Variants in CDH22 observed in about 807,000 individuals in gnomAD.
CDH22 encodes the protein cadherin-22.
In CDH22, 30 loss-of-function variants were observed where a neutral mutation model predicts 58.4. That is an observed-to-expected ratio of 0.51 (90% CI 0.38 to 0.70). The LOEUF (loss-of-function observed/expected upper bound fraction) is 0.70. Ranked by LOEUF, CDH22 falls within the 30% of genes least tolerant of loss-of-function variation. CDH22 has a pLI of 0.00. For synonymous variants in CDH22, 513 were observed against 558.2 expected, an observed-to-expected ratio of 0.92 and a Z score of 1.14; for missense variants, 1,014 against 1,233.9, an observed-to-expected ratio of 0.82 and a Z score of 2.67.
rs1235953678 is a variant in CDH22 at position 46,174,791 on chromosome 20, C to G, written c.2202G>C (p.Pro734=). Residue 734 remains proline, a synonymous_variant, in exon 12 of 12, where the codon CCG becomes CCC. Coordinates refer to ENST00000537909, the MANE Select transcript of CDH22 (RefSeq NM_021248.3). The surrounding 1 kb of genome is among the most constrained non-coding windows in gnomAD (Gnocchi z 4.4). ...CTGGCTCGGGGCTCGGCGGCCCCTG[C>G]GGCAGCGAGTGGCGCTCGGAGGGCA... ...AHLPSERHSL[P]QGPPSPEPDF... 13 of 1,498,316 alleles carry G rather than the reference C, an allele frequency of 8.7e-6. No individual in the cohort carries two copies. Among genetic ancestry groups the G allele is most frequent in the African/African-American group, 4.3e-5 (3 of 69,354 alleles). The allele number at this position is 1,498,316 out of a possible 1,614,324, so 92.8% of individuals were successfully genotyped here.
At position 46,210,295 on chromosome 20, in the gene CDH22, C is replaced by T; in HGVS notation, c.1286+12G>A. ...GCAGGCAGCAGGCGTCGGCCCCGGGCGGGGGTCTCACCGGACGGGCCGGTT... is the reference window on the plus strand; with the variant it reads ...GCAGGCAGCAGGCGTCGGCCCCGGGTGGGGGTCTCACCGGACGGGCCGGTT... On this transcript the variant is annotated intron_variant, in intron 7 of 11. Transcript: ENST00000537909. The surrounding 1 kb of genome is among the most constrained non-coding windows in gnomAD (Gnocchi z 4.5). 7.1e-7 allele frequency: 1 copy of T among 1,401,114 alleles called. No individual in the cohort carries two copies. Among genetic ancestry groups the T allele is most frequent in the Middle Eastern group, 2.6e-4 (1 of 3,894 alleles). 86.8% of individuals were successfully genotyped at this position (1,401,114 alleles called of 1,614,324 possible).
chr20:46,223,705 C>CTTTG (rs1440360973), intron 4 of CDH22, among the ~76,000 whole-genome samples: 1 of 56,964 alleles, frequency 1.8e-5, no homozygotes, highest in African/African-American at 5.8e-5. Flanking sequence ...TTCTTTCTTT[C>CTTTG]TTTCTTTCTT....
At position 46,294,271 on chromosome 20, in the gene CDH22, T is replaced by C. The variant is rs961126591; in HGVS notation, c.-400+13984A>G. ...CCCCTTCCCTTCCTTGAGTCTCTGG[T>C]TGCAAACGAAGTGGGTTCTGTTCTC... On this transcript the variant is annotated intron_variant, in intron 1 of 11. Transcript: ENST00000537909. Among the ~76,000 whole-genome samples the C allele has an allele frequency of 2.0e-5, 3 of 152,132 alleles. No individual in the cohort carries two copies. The East Asian group carries it at 5.8e-4, about 29-fold the overall frequency.
chr20:46,266,126 T>C (rs1434594969), intron 1 of CDH22, among the ~76,000 whole-genome samples: 2 of 152,168 alleles, frequency 1.3e-5, no homozygotes, highest in Non-Finnish European at 2.9e-5. Flanking sequence ...TTTATCTGTT[T>C]TAGAGGATTC....
chr20:46,192,711 G>C (rs1182049287), intron 8 of CDH22, among the ~76,000 whole-genome samples: 1 of 152,054 alleles, frequency 6.6e-6, no homozygotes, highest in Non-Finnish European at 1.5e-5. Flanking sequence ...CCTCCTCCCC[G>C]AGGGAGTTAA....
chr20:46,294,816 C>T (rs981538810), intron 1 of CDH22, among the ~76,000 whole-genome samples: 4 of 152,230 alleles, frequency 2.6e-5, no homozygotes, highest in Non-Finnish European at 5.9e-5. Flanking sequence ...AAGTGGGATT[C>T]CTGGCATTGG....
At chr20:46,305,316 G>A (rs765573719) in intron 1 of CDH22, among the ~76,000 whole-genome samples, 1 of 152,240 alleles carries the variant, frequency 6.6e-6, no homozygotes, top group Non-Finnish European at 1.5e-5. Context: ...AAGGTTGTAG[G>A]AAGGAGAGGC....
At chr20:46,283,988 A>T (rs73908667) in intron 1 of CDH22, among the ~76,000 whole-genome samples, 50 of 152,312 alleles carry the variant, frequency 3.3e-4, no homozygotes, top group African/African-American at 1.2e-3. Context: ...GAAGGTAATT[A>T]GTCCCCTTAA....
At chr20:46,199,635 ACTCCAAGAGAGGGACCGC>A in intron 7 of CDH22, 76 bp from the exon 8 acceptor site, 2 of 1,518,850 alleles carry the variant, frequency 1.3e-6, no homozygotes, top group Non-Finnish European at 1.8e-6. Flanking sequence ...TCCCAACCCC[ACTCCAAGAGAGGGACCGC>A]CTGCCTTGGA....
intron 4 of CDH22, among the ~76,000 whole-genome samples, chr20:46,222,639 C>T (rs2086135360): frequency 6.6e-6 from 1 of 152,220 alleles, no homozygotes. Flanking sequence ...ACCCATCGTC[C>T]CCAGTTCCAG....
At chr20:46,264,161 G>A (rs918251873) in intron 1 of CDH22, among the ~76,000 whole-genome samples, 1 of 152,132 alleles carries the variant, frequency 6.6e-6, no homozygotes, top group African/African-American at 2.4e-5. Flanking sequence ...AGCACTTTAT[G>A]TGCATTAGCT....
chr20:46,291,276 C>G (rs2086601006), intron 1 of CDH22, among the ~76,000 whole-genome samples: 1 of 151,970 alleles, frequency 6.6e-6, no homozygotes, highest in African/African-American at 2.4e-5. Flanking sequence ...GATTCCATCT[C>G]AAAAATAAAT....
intron 2 of CDH22, among the ~76,000 whole-genome samples, chr20:46,249,188 AG>A (rs1600716085): frequency 6.6e-6 from 1 of 152,218 alleles, no homozygotes; most frequent in African/African-American, 2.4e-5. Flanking sequence ...TGGCAGAACC[AG>A]GCCTCAAACT....
rs114710773 is a variant in CDH22 at position 46,251,616 on chromosome 20, G to C, written c.-322C>G. The C allele has an allele frequency of 4.2e-3, 906 of 214,674 alleles. 15 individuals are homozygous for C. Among genetic ancestry groups the C allele is most frequent in the African/African-American group, 0.019 (843 of 43,494 alleles). The allele number at this position is 214,674 out of a possible 1,614,324, so 13.3% of individuals were successfully genotyped here. A position where few individuals can be genotyped will look rare whatever the true frequency, so the allele number is the denominator to read the frequency against. On this transcript the variant is annotated 5_prime_UTR_variant, in exon 2 of 12. Coordinates refer to ENST00000537909, the MANE Select transcript of CDH22 (RefSeq NM_021248.3). This position sits in a 1 kb window ranked among gnomAD's most constrained non-coding sequence, Gnocchi z 6.7. Reference sequence around the variant, plus strand: ...AGCTCCAGAGTCGGGGAAGCGCCATGGTTCCTGCGCAGAAAGGATGCGGGT... The same window carrying C: ...AGCTCCAGAGTCGGGGAAGCGCCATCGTTCCTGCGCAGAAAGGATGCGGGT...
chr20:46,293,275 C>T (rs1362685902), intron 1 of CDH22, among the ~76,000 whole-genome samples: 6 of 152,166 alleles, frequency 3.9e-5, no homozygotes, highest in African/African-American at 1.4e-4. Flanking sequence ...AGCAACCAGA[C>T]ACTTTATAAA....
chr20:46,262,779 C>G (rs1284561230), intron 1 of CDH22, among the ~76,000 whole-genome samples: 1 of 152,192 alleles, frequency 6.6e-6, no homozygotes, highest in East Asian at 1.9e-4. Flanking sequence ...ACGTGGCCCA[C>G]TCAACGCCCT....
intron 2 of CDH22, among the ~76,000 whole-genome samples, chr20:46,245,407 C>A (rs1367174536): frequency 6.6e-6 from 1 of 152,208 alleles, no homozygotes; most frequent in Admixed American, 6.5e-5. Flanking sequence ...ACATCTGTGT[C>A]CCCAGCTGTC....
intron 8 of CDH22, among the ~76,000 whole-genome samples, chr20:46,195,987 C>T (rs1408052589): frequency 2.6e-5 from 4 of 152,186 alleles, no homozygotes; most frequent in Admixed American, 2.6e-4. Context: ...GTGGGGCCAC[C>T]ATGACCCTCT....
At chr20:46,277,675 C>T (rs908489238) in intron 1 of CDH22, among the ~76,000 whole-genome samples, 2 of 151,796 alleles carry the variant, frequency 1.3e-5, no homozygotes, top group African/African-American at 4.8e-5. Flanking sequence ...CCGCCCCCCA[C>T]TGGTCCAGTG....
Sources: allele counts gnomAD v4.1 joint callset (sites outside exome capture counted in the v4.1 genomes callset), GRCh38; gene constraint gnomAD v4.1.1; non-coding constraint Gnocchi (gnomAD v3.1); transcripts MANE v1.5; gene names NCBI Gene and HGNC (gene_info 2026-07-23, HGNC 2026-07-21).